Variants in CDKL5 observed in about 807,000 individuals in gnomAD.
The protein encoded by CDKL5 is cyclin-dependent kinase-like 5.
CDKL5 carries 8 observed loss-of-function variants against 61.7 expected under a neutral mutation model. The ratio of observed to expected loss-of-function variants is 0.13; its 90% confidence interval spans 0.08 to 0.23. The LOEUF (loss-of-function observed/expected upper bound fraction) is 0.23, where lower values mean the gene tolerates loss of function less well. Among genes scored for constraint, CDKL5 ranks in the 10% least tolerant of loss-of-function variants. The pLI, the probability that CDKL5 is intolerant of heterozygous loss-of-function variation, is 1.00. For missense variants in CDKL5, 440 were observed against 734.5 expected, an observed-to-expected ratio of 0.60 and a Z score of 4.63; for synonymous variants, 275 against 272.3, an observed-to-expected ratio of 1.01 and a Z score of -0.10.
downstream of CDKL5, chrX:18,641,410 T>A (rs150011364): frequency 0.014 from 1,648 of 114,807 alleles, 37 homozygotes; most frequent in African/African-American, 0.051. Flanking sequence ...CTCCCCTACC[T>A]TGGGCTTTTG....
chrX:18,507,085 G>A lies in CDKL5; in HGVS notation c.-12G>A. The A allele has an allele frequency of 8.5e-7, 1 of 1,169,742 alleles. No individual in the cohort carries two copies. The highest frequency in any genetic ancestry group is 3.0e-5 in the East Asian group (1 of 33,629). On this transcript the variant is annotated 5_prime_UTR_variant, in exon 2 of 18. Coordinates refer to ENST00000623535, the MANE Select transcript of CDKL5 (RefSeq NM_001323289.2). ...TGTTTTGTGGCTTGCATCAAAAGAG[G>A]AGTTTGTCTTCATGAAGATTCCTAA... is the stretch of plus-strand genomic sequence containing the variant.
At chrX:18,560,237 A>C (rs921499294) in intron 3 of CDKL5, among the ~76,000 whole-genome samples, 3 of 111,790 alleles carry the variant, frequency 2.7e-5, no homozygotes, top group Non-Finnish European at 3.8e-5. Context: ...GAACTAGTTT[A>C]CAGTCCCACC....
chrX:18,502,872 C>T (rs1922437596), intron 1 of CDKL5, among the ~76,000 whole-genome samples: 1 of 111,724 alleles, frequency 9.0e-6, no homozygotes, highest in African/African-American at 3.3e-5. Flanking sequence ...TTATTCTTTG[C>T]TGCTCATACT....
At chrX:18,569,812 T>C (rs1925082193) in intron 4 of CDKL5, among the ~76,000 whole-genome samples, 1 of 110,664 alleles carries the variant, frequency 9.0e-6, no homozygotes, top group African/African-American at 3.3e-5. Flanking sequence ...TCTCTGCTTG[T>C]CACTGGGCCT....
chrX:18,459,180 T>C (rs1393551352), intron 1 of CDKL5, among the ~76,000 whole-genome samples: 1 of 111,792 alleles, frequency 8.9e-6, no homozygotes, highest in African/African-American at 3.3e-5. Context: ...TTTAAGAGGG[T>C]TTTTAGAACA....
At chrX:18,466,725 C>T (rs1472922669) in intron 1 of CDKL5, among the ~76,000 whole-genome samples, 1 of 111,596 alleles carries the variant, frequency 9.0e-6, no homozygotes, top group Non-Finnish European at 1.9e-5. Flanking sequence ...GTTGCCCAGG[C>T]TGGTCTTAAG....
chrX:18,467,754 A>T (rs964119025), intron 1 of CDKL5, among the ~76,000 whole-genome samples: 1 of 112,254 alleles, frequency 8.9e-6, no homozygotes, highest in East Asian at 2.8e-4. Context: ...ATGAAGGACC[A>T]GCAAGAGACA....
chrX:18,509,648 T>G lies in CDKL5; in HGVS notation c.65-1172T>G, dbSNP rs1922752942. On this transcript the variant is annotated intron_variant, in intron 2 of 17. Transcript: ENST00000623535. ...AACCTCAGTTTCCTGAGTACTTTGCTGTCAACTCTGTCCTACTTCTAAGGA... is the reference window on the plus strand; with the variant it reads ...AACCTCAGTTTCCTGAGTACTTTGCGGTCAACTCTGTCCTACTTCTAAGGA... Among the ~76,000 whole-genome samples the G allele has an allele frequency of 2.7e-5, 3 of 111,866 alleles. No individual in the cohort carries two copies. In the Admixed American group the frequency reaches 2.9e-4, roughly 11 times the overall value.
chrX:18,510,049 A>G (rs1391300125), intron 2 of CDKL5, among the ~76,000 whole-genome samples: 1 of 110,462 alleles, frequency 9.1e-6, no homozygotes, highest in Non-Finnish European at 1.9e-5. Context: ...GCATTTCAGT[A>G]TCCTAGAGGA....
chrX:18,650,840 T>C (rs1396018187), intron 21 of CDKL5, among the ~76,000 whole-genome samples: 1 of 112,250 alleles, frequency 8.9e-6, no homozygotes, highest in Non-Finnish European at 1.9e-5. Context: ...GCTTAACCTC[T>C]CTGGGTCTCA....
intron 1 of CDKL5, among the ~76,000 whole-genome samples, chrX:18,466,084 C>T (rs1483246148): frequency 1.8e-5 from 2 of 111,613 alleles, no homozygotes; most frequent in African/African-American, 6.5e-5. Context: ...CTATTGTGTA[C>T]AATCTGTGGA....
At chrX:18,503,409 C>T (rs1006679930) in intron 1 of CDKL5, among the ~76,000 whole-genome samples, 4 of 111,936 alleles carry the variant, frequency 3.6e-5, no homozygotes, top group African/African-American at 6.5e-5. Flanking sequence ...GTCTCGAACT[C>T]GTGAGCTCAA....
At chrX:18,619,186 G>C (rs1320739569) in intron 15 of CDKL5, among the ~76,000 whole-genome samples, 1 of 102,478 alleles carries the variant, frequency 9.8e-6, no homozygotes, top group Non-Finnish European at 2.0e-5. Context: ...AAAGAAACAG[G>C]GTCTTGCCGT....
At chrX:18,468,037 G>T (rs1367678548) in intron 1 of CDKL5, among the ~76,000 whole-genome samples, 1 of 111,684 alleles carries the variant, frequency 9.0e-6, no homozygotes, top group Non-Finnish European at 1.9e-5. Context: ...AACCAGTCTA[G>T]CTGGTTAAAT....
At chrX:18,521,494 CTTATG>C (rs762637435) in intron 3 of CDKL5, among the ~76,000 whole-genome samples, 8 of 110,397 alleles carry the variant, frequency 7.2e-5, no homozygotes, top group Non-Finnish European at 1.3e-4. Flanking sequence ...AGTTTTAGCT[CTTATG>C]TTAGGTTGTT....
chrX:18,463,426 A>G (rs1190085647), intron 1 of CDKL5, among the ~76,000 whole-genome samples: 1 of 112,284 alleles, frequency 8.9e-6, no homozygotes, highest in Non-Finnish European at 1.9e-5. Flanking sequence ...TTCTCTTTAA[A>G]TATTTTGAGT....
chrX:18,498,910 C>T (rs1341884997), intron 1 of CDKL5, among the ~76,000 whole-genome samples: 1 of 111,372 alleles, frequency 9.0e-6, no homozygotes, highest in Non-Finnish European at 1.9e-5. Context: ...GCTGGGACTA[C>T]AGGCACGTGG....
intron 16 of CDKL5, among the ~76,000 whole-genome samples, chrX:18,621,888 TTGTC>T (rs1926899945): frequency 8.9e-6 from 1 of 112,238 alleles, no homozygotes; most frequent in African/African-American, 3.2e-5. Flanking sequence ...ACTTTTATCA[TTGTC>T]TGTAGAACAT....
intron 1 of CDKL5, among the ~76,000 whole-genome samples, chrX:18,445,278 A>G (rs1722521127): frequency 9.1e-6 from 1 of 110,050 alleles, no homozygotes; most frequent in South Asian, 3.9e-4. Flanking sequence ...GGGTTTCACC[A>G]TGTTGGTCAG....
Sources: gnomAD v4.1 joint callset for allele counts (sites outside exome capture counted in the v4.1 genomes callset) on GRCh38, gnomAD v4.1.1 for gene constraint, MANE v1.5 for transcripts, NCBI Gene and HGNC (gene_info 2026-07-23, HGNC 2026-07-21) for gene names.